Variants in CHL1 observed in about 807,000 individuals in gnomAD.
The protein encoded by CHL1 is cell adhesion molecule L1 like.
A neutral mutation model predicts 141.9 loss-of-function variants in CHL1; 96 were observed. That is an observed-to-expected ratio of 0.68 (90% CI 0.57 to 0.80). The LOEUF (loss-of-function observed/expected upper bound fraction) is 0.80. CHL1 is among the 30% of genes least tolerant of loss of function. CHL1 has a pLI of 0.00. For synonymous variants in CHL1, 613 were observed against 502.2 expected, an observed-to-expected ratio of 1.22 and a Z score of -2.95; for missense variants, 1,820 against 1,457.2, an observed-to-expected ratio of 1.25 and a Z score of -4.05.
At chr3:300,782 A>G (rs1698653733) in intron 2 of CHL1, among the ~76,000 whole-genome samples, 1 of 152,138 alleles carries the variant, frequency 6.6e-6, no homozygotes, top group African/African-American at 2.4e-5. Context: ...AAAAAGTGCA[A>G]CAAAAAAAAG....
chr3:283,749 A>C (rs776595484), intron 2 of CHL1, among the ~76,000 whole-genome samples: 2 of 152,182 alleles, frequency 1.3e-5, no homozygotes, highest in Non-Finnish European at 2.9e-5. Flanking sequence ...CGGCATCTCA[A>C]TATAAGCCAG....
chr3:205,170 G>C (rs1032995464), intron 1 of CHL1, among the ~76,000 whole-genome samples: 32 of 150,198 alleles, frequency 2.1e-4, no homozygotes, highest in African/African-American at 7.8e-4. Context: ...GAGTACAGTG[G>C]TATGGTCATC....
chr3:259,615 A>G (rs139833071), intron 2 of CHL1, among the ~76,000 whole-genome samples: 147 of 151,850 alleles, frequency 9.7e-4, no homozygotes, highest in African/African-American at 3.4e-3. Context: ...TATCTGCTTT[A>G]CCCTGCTTTA....
At chr3:355,144 G>A (rs1378344170) in intron 11 of CHL1, among the ~76,000 whole-genome samples, 1 of 152,262 alleles carries the variant, frequency 6.6e-6, no homozygotes, top group East Asian at 1.9e-4. Flanking sequence ...TCAAAGTCAG[G>A]ACCTCCTTTA....
chr3:277,603 C>G (rs192919909), intron 2 of CHL1, among the ~76,000 whole-genome samples: 52 of 152,182 alleles, frequency 3.4e-4, no homozygotes, highest in African/African-American at 1.0e-3. Context: ...ATTTCTCTTA[C>G]CTTATACTGG....
chr3:294,842 T>C (rs529104381), intron 2 of CHL1, among the ~76,000 whole-genome samples: 1 of 152,366 alleles, frequency 6.6e-6, no homozygotes, highest in Non-Finnish European at 1.5e-5. Context: ...TGGCAATACA[T>C]GCCTAATTGG....
Position 390,707 on chromosome 3 carries a change from A to G in CHL1, c.2477A>G (p.Asp826Gly). ...VTLYSGEDYP[D>G]TAPVIHGVDV... ...AATCTTCTATGATTAACAGATCCTG[A>G]TACAGCTCCAGTGATCCATGGGGTG... The change falls in exon 21 of 28, where the codon GAT (aspartate) becomes GGT (glycine). Residue 826 changes from aspartate to glycine, a missense_variant. Coordinates refer to ENST00000256509, the MANE Select transcript of CHL1 (RefSeq NM_006614.4). The G allele has an allele frequency of 1.3e-6, 2 of 1,560,948 alleles. No homozygotes were observed. Among genetic ancestry groups the G allele is most frequent in the Non-Finnish European group, 1.8e-6 (2 of 1,131,932 alleles).
rs539179449 is a variant in CHL1 at position 396,986 on chromosome 3, A to C, written c.3095-1241A>C. ...TGCTCTGCCTATATAGCTCATTTCA[A>C]GGTCATTTGGCATTTGTTCAAAAAA... is the stretch of plus-strand genomic sequence containing the variant. On this transcript the variant is annotated intron_variant, in intron 24 of 27. Coordinates refer to ENST00000256509, the MANE Select transcript of CHL1 (RefSeq NM_006614.4). Among the ~76,000 whole-genome samples, 5 of 152,278 alleles carry C rather than the reference A, an allele frequency of 3.3e-5. No individual in the cohort carries two copies. In the South Asian group the frequency reaches 1.0e-3, roughly 32 times the overall value.
At position 363,343 on chromosome 3, in the gene CHL1, T is replaced by C; in HGVS notation, c.1545T>C (p.Ala515=). 6.2e-7 allele frequency: 1 copy of C among 1,612,704 alleles called. No individual in the cohort carries two copies. The highest frequency in any genetic ancestry group is 8.5e-7 in the Non-Finnish European group (1 of 1,179,456). ...CTTACTCATGTTGGGTAGAAAATGC[T>C]ATAGGAAAAACTGCAGTCACAGCCA... is the stretch of plus-strand genomic sequence containing the variant. The part of the protein sequence containing the change: ...AGSYSCWVEN[A]IGKTAVTANL... The change falls in exon 14 of 28, where the codon GCT becomes GCC. Residue 515 remains alanine, a synonymous_variant. Transcript: ENST00000256509.
intron 2 of CHL1, among the ~76,000 whole-genome samples, chr3:278,247 G>T (rs1696330474): frequency 6.6e-6 from 1 of 152,186 alleles, no homozygotes. Context: ...TGCCTTTTAT[G>T]ATTTTAACCT....
At chr3:204,050 T>C (rs9815625) in intron 1 of CHL1, among the ~76,000 whole-genome samples, 4,611 of 152,352 alleles carry the variant, frequency 0.03, 226 homozygotes, top group African/African-American at 0.1. Context: ...CTTTCTTCTT[T>C]CTTTCATTGC....
At chr3:254,823 C>A (rs1694010012) in intron 2 of CHL1, among the ~76,000 whole-genome samples, 1 of 152,078 alleles carries the variant, frequency 6.6e-6, no homozygotes, top group Non-Finnish European at 1.5e-5. Flanking sequence ...GGCCTTAATC[C>A]CATTCATGAG....
At chr3:299,180 T>C (rs1698485788) in intron 2 of CHL1, among the ~76,000 whole-genome samples, 1 of 152,180 alleles carries the variant, frequency 6.6e-6, no homozygotes, top group African/African-American at 2.4e-5. Context: ...AATAAATAAT[T>C]GAAAAATATC....
chr3:328,192 C>A lies in CHL1; in HGVS notation c.223C>A (p.Pro75Thr), dbSNP rs954598804. Reference protein sequence around the residue: ...PTFSWTKDGNPFYFTDHRIIP... With the variant: ...PTFSWTKDGNTFYFTDHRIIP... ...ATTTTCGTGGACTAAGGATGGCAAC[C>A]CTTTTTATTTCACTGACCATCGGAT... The change falls in exon 5 of 28, where the codon CCT becomes ACT. Residue 75 changes from proline to threonine, a missense_variant. Pro to Thr is a conservative substitution (Grantham distance 38). Coordinates refer to ENST00000256509, the MANE Select transcript of CHL1 (RefSeq NM_006614.4). The A allele has an allele frequency of 1.9e-6, 3 of 1,604,182 alleles. No individual in the cohort carries two copies. Among genetic ancestry groups the A allele is most frequent in the Middle Eastern group, 1.7e-4 (1 of 6,028 alleles).
intron 1 of CHL1, among the ~76,000 whole-genome samples, chr3:233,194 C>T (rs191842061): frequency 6.6e-5 from 10 of 152,262 alleles, no homozygotes; most frequent in Non-Finnish European, 7.4e-5. Context: ...GAGCATGACA[C>T]CTAGGGCTCT....
rs186068862 is a variant in CHL1, at chr3:352,228, G to A, written c.1034-2412G>A. 1.9e-3 allele frequency among the ~76,000 whole-genome samples: 292 copies of A among 152,046 alleles called. 1 individual carries two copies. Among genetic ancestry groups the A allele is most frequent in the African/African-American group, 5.7e-3 (235 of 41,492 alleles). The stretch of plus-strand genomic sequence containing the variant: ...AACAAACCTATTTCTAAAATGTTGC[G>A]ATTAAATCCAATTTTTGTTGAACCT... On this transcript the variant is annotated intron_variant, in intron 10 of 27. Transcript: ENST00000256509.
chr3:197,807 G>T (rs1055417348), intron 1 of CHL1: 1 of 456,444 alleles, frequency 2.2e-6, no homozygotes, highest in Non-Finnish European at 4.4e-6. Flanking sequence ...AGCGGAGCCC[G>T]GGGGGCTGGA....
intron 4 of CHL1, 85 bp from the exon 5 acceptor site, chr3:328,082 T>C: frequency 2.0e-6 from 2 of 1,019,478 alleles, no homozygotes; most frequent in Middle Eastern, 4.4e-4. Flanking sequence ...TGTCTTGGTT[T>C]TGTCAATTTT....
chr3:401,821 G>C (rs1709162872), intron 27 of CHL1, 123 bp downstream of exon 27: 1 of 571,240 alleles, frequency 1.8e-6, no homozygotes, highest in South Asian at 2.7e-5. Flanking sequence ...ACCCTATAAA[G>C]AATACTTTGT....
Sources: gnomAD v4.1 joint callset for allele counts (sites outside exome capture counted in the v4.1 genomes callset) on GRCh38, gnomAD v4.1.1 for gene constraint, MANE v1.5 for transcripts, NCBI Gene and HGNC (gene_info 2026-07-23, HGNC 2026-07-21) for gene names.